Variants in MASP2 observed in about 807,000 individuals in gnomAD.
The protein encoded by MASP2 is mannan-binding lectin serine protease 2.
In MASP2, 49 loss-of-function variants were observed where a neutral mutation model predicts 57.1. The ratio of observed to expected loss-of-function variants is 0.86; its 90% confidence interval spans 0.68 to 1.09. The LOEUF is 1.09. Ranked by LOEUF, MASP2 falls within the 50% of genes least tolerant of loss-of-function variation. MASP2 has a pLI of 0.00. For synonymous variants in MASP2, 379 were observed against 340.8 expected (o/e 1.11, Z -1.24); for missense variants, 900 against 874.8 (o/e 1.03, Z -0.36).
intron 3 of MASP2, chr1:11,046,025 T>C: frequency 5.3e-6 from 1 of 189,116 alleles, no homozygotes; most frequent in Non-Finnish European, 1.1e-5. Flanking sequence ...TTGTTTTTTG[T>C]TTTTTGAGAC....
chr1:11,041,417 T>TGGATGGAC (rs1162759893), intron 6 of MASP2, among the ~76,000 whole-genome samples: 1 of 137,868 alleles, frequency 7.3e-6, no homozygotes, highest in Non-Finnish European at 1.6e-5. Flanking sequence ...GATGGATGGA[T>TGGATGGAC]GGATGGATGG....
intron 10 of MASP2, 194 bp downstream of exon 10, chr1:11,029,982 A>G (rs1643814742): frequency 2.0e-6 from 1 of 494,874 alleles, no homozygotes; most frequent in East Asian, 3.5e-5. Flanking sequence ...CAAATGACTG[A>G]TGCAGTCAGC....
At chr1:11,040,198 C>T (rs567328731) in intron 6 of MASP2, among the ~76,000 whole-genome samples, 129 of 150,292 alleles carry the variant, frequency 8.6e-4, no homozygotes, top group Non-Finnish European at 1.2e-3. Flanking sequence ...GGGCTGGGCG[C>T]GGTGGCTCAC....
Position 11,047,037 on chromosome 1 carries a change from G to A in MASP2, c.88C>T (p.Leu30=). ...PKWPEPVFGR[L]ASPGFPGEYA... ...TCCCCTGGAAAGCCGGGGGATGCCA[G>A]GCGCCCGAACACAGGTTCAGGCCAC... Residue 30 remains leucine (L), a synonymous_variant, in exon 2 of 11, where the codon CTG becomes TTG. Coordinates refer to ENST00000400897, the MANE Select transcript of MASP2 (RefSeq NM_006610.4). The A allele has an allele frequency of 6.4e-7, 1 of 1,551,342 alleles. No homozygotes were observed. The highest frequency in any genetic ancestry group is 8.7e-7 in the Non-Finnish European group (1 of 1,147,290).
rs1638528755 is a variant in MASP2 at position 11,043,504 on chromosome 1, C to A, written c.576G>T (p.Arg192Ser). The stretch of plus-strand genomic sequence containing the variant: ...ATTCAGGGCTGCTGAGCTCCCCAGA[C>A]CTCTGGGTGAAGACCTGGCCGGAGC... Reference protein sequence around the residue: ...ALCSGQVFTQRSGELSSPEYP... With the variant: ...ALCSGQVFTQSSGELSSPEYP... The change falls in exon 5 of 11, where the codon AGG becomes AGT. Residue 192 changes from arginine (R) to serine (S), a missense_variant. Arg to Ser is a moderately radical substitution (Grantham distance 110). Transcript: ENST00000400897. 6.2e-7 allele frequency: 1 copy of A among 1,606,216 alleles called. No homozygotes were observed. Among genetic ancestry groups the A allele is most frequent in the Admixed American group, 1.7e-5 (1 of 58,864 alleles).
chr1:11,037,814 G>C lies in MASP2; in HGVS notation c.890-3C>G. The C allele has an allele frequency of 6.3e-7, 1 of 1,589,104 alleles. No homozygotes were observed. On this transcript the variant is annotated splice_polypyrimidine_tract_variant and splice_region_variant and intron_variant, in intron 6 of 10. Transcript: ENST00000400897. Reference sequence around the variant, plus strand: ...CATCGGATAAGGGCAAGGCTGCGCTGCGCAGAGGAAACCAGGCTTGTTGGT... The same window carrying C: ...CATCGGATAAGGGCAAGGCTGCGCTCCGCAGAGGAAACCAGGCTTGTTGGT...
At position 11,046,688 on chromosome 1, in the gene MASP2, T is replaced by C. The variant is rs778559628; in HGVS notation, c.280A>G (p.Ser94Gly). 3 of 1,613,358 alleles carry C rather than the reference T, an allele frequency of 1.9e-6. No individual in the cohort carries two copies. In the South Asian group the frequency reaches 3.3e-5, roughly 18 times the overall value. ...KVLATLCGQE[S>G]TDTERAPGKD... ...CCAGGGGCCCGCTCCGTGTCTGTGC[T>C]CTCCTGCCCGCACAGCGTGGCCAGC... Residue 94 changes from serine to glycine, a missense_variant, in exon 3 of 11, where the codon AGC becomes GGC. Coordinates refer to ENST00000400897, the MANE Select transcript of MASP2 (RefSeq NM_006610.4).
At chr1:11,043,654 G>T in intron 4 of MASP2, 119 bp from the exon 5 acceptor site, 3 of 715,636 alleles carry the variant, frequency 4.2e-6, no homozygotes, top group Non-Finnish European at 2.3e-6. Context: ...TGGGACATCT[G>T]CATCCCTGGG....
intron 3 of MASP2, chr1:11,045,745 A>G: frequency 1.7e-6 from 1 of 591,628 alleles, no homozygotes; most frequent in Admixed American, 3.0e-5. Context: ...AGATGCAAAC[A>G]TCACCTCTGT....
At chr1:11,045,957 C>T (rs530116784) in intron 3 of MASP2, 3 of 207,704 alleles carry the variant, frequency 1.4e-5, no homozygotes, top group East Asian at 1.2e-4. Context: ...GCAGCGCTCC[C>T]GCTGGCAGGG....
Position 11,043,547 on chromosome 1 carries a change from G to A in MASP2, c.545-12C>T. On this transcript the variant is annotated splice_polypyrimidine_tract_variant and intron_variant, in intron 4 of 10. Transcript: ENST00000400897. ...GCCGGAGCACAGGGCTGGAAGGAGGGAAGGCAGGGGAGTGACTTGGCGTGC... is the reference window on the plus strand; with the variant it reads ...GCCGGAGCACAGGGCTGGAAGGAGGAAAGGCAGGGGAGTGACTTGGCGTGC... 1.3e-6 allele frequency: 2 copies of A among 1,582,238 alleles called. No homozygotes were observed. The highest frequency in any genetic ancestry group is 1.7e-6 in the Non-Finnish European group (2 of 1,164,100).
intron 4 of MASP2, 190 bp downstream of exon 4, chr1:11,045,218 G>T (rs752603848): frequency 5.9e-6 from 5 of 853,626 alleles, no homozygotes; most frequent in Non-Finnish European, 9.7e-6. Flanking sequence ...CTAGGGCAGG[G>T]TGGCACTGAT....
intron 4 of MASP2, chr1:11,045,066 G>A (rs2100905290): frequency 2.1e-6 from 2 of 962,384 alleles, no homozygotes; most frequent in South Asian, 1.4e-5. Flanking sequence ...GCACTGGCCC[G>A]TCCCACAGTG....
chr1:11,028,203 G>A (rs1157473221), intron 10 of MASP2, among the ~76,000 whole-genome samples: 1 of 151,754 alleles, frequency 6.6e-6, no homozygotes, highest in Non-Finnish European at 1.5e-5. Context: ...CCTGGTAAGA[G>A]CAAAACTCCA....
rs748963375 is a variant in MASP2 at position 11,027,399 on chromosome 1, G to A, written c.1547C>T (p.Ala516Val). The change falls in exon 11 of 11, where the codon GCT (alanine) becomes GTT (valine). Residue 516 changes from alanine to valine, a missense_variant. Ala to Val is a moderately conservative substitution (Grantham distance 64, BLOSUM62 0). Transcript: ENST00000400897. ...AGTATAACCTTCATGTATAAAAACA[G>A]CTTCAGACCAGGCTTGTGTATAATG... ...SPHYTQAWSE[A>V]VFIHEGYTHD... 3.1e-6 allele frequency: 5 copies of A among 1,614,226 alleles called. No individual in the cohort carries two copies. The highest frequency in any genetic ancestry group is 8.5e-7 in the Non-Finnish European group (1 of 1,180,040).
chr1:11,031,367 C>A (rs6684254), intron 8 of MASP2, among the ~76,000 whole-genome samples: 5,551 of 141,554 alleles, frequency 0.039, 334 homozygotes, highest in African/African-American at 0.13. Flanking sequence ...ACTAAAAATA[C>A]AAAAAAAAAA....
At chr1:11,035,578 GATGTTCCACCATTTCTTTAT>G (rs1643880927) in intron 7 of MASP2, among the ~76,000 whole-genome samples, 3 of 151,138 alleles carry the variant, frequency 2.0e-5, no homozygotes, top group Admixed American at 6.6e-5. Flanking sequence ...TTCTGCATCT[GATGTTCCACCATTTCTTTAT>G]ATAAAGTGAC....
At chr1:11,041,682 G>A (rs1160740124) in intron 6 of MASP2, among the ~76,000 whole-genome samples, 1 of 151,646 alleles carries the variant, frequency 6.6e-6, no homozygotes, top group Admixed American at 6.6e-5. Context: ...TAGATGGATG[G>A]CTGGAAGTAT....
chr1:11,037,176 C>T (rs1239479246), intron 7 of MASP2, among the ~76,000 whole-genome samples: 1 of 152,052 alleles, frequency 6.6e-6, no homozygotes, highest in Non-Finnish European at 1.5e-5. Flanking sequence ...CCTCAGCCAC[C>T]CGAGTAGCTG....
Sources: allele counts gnomAD v4.1 joint callset (sites outside exome capture counted in the v4.1 genomes callset), GRCh38; gene constraint gnomAD v4.1.1; transcripts MANE v1.5; gene names NCBI Gene and HGNC (gene_info 2026-07-23, HGNC 2026-07-21).